Variants in MYT1L observed in about 807,000 individuals in gnomAD.
MYT1L encodes the protein myelin transcription factor 1 like, also known as myelin transcription factor 1-like protein.
A neutral mutation model predicts 126.7 loss-of-function variants in MYT1L; 12 were observed. The observed-to-expected ratio is 0.09, with a 90% CI of 0.06 to 0.15. MYT1L has a LOEUF of 0.15. Among genes scored for constraint, MYT1L ranks in the 10% least tolerant of loss-of-function variants. MYT1L has a pLI of 1.00. For synonymous variants in MYT1L, 541 were observed against 604.2 expected (o/e 0.90, Z 1.53); for missense variants, 979 against 1,585.2 (o/e 0.62, Z 6.49).
intron 2 of MYT1L, among the ~76,000 whole-genome samples, chr2:2,236,221 G>GCACATCCCAACCCAA (rs2094298838): frequency 2.3e-4 from 7 of 30,716 alleles, no homozygotes; most frequent in African/African-American, 4.0e-4. Flanking sequence ...TCCCAACCCA[G>GCACATCCCAACCCAA]CCCAGCACAT....
At chr2:2,211,357 C>G (rs1343001033) in intron 2 of MYT1L, among the ~76,000 whole-genome samples, 2 of 152,132 alleles carry the variant, frequency 1.3e-5, no homozygotes, top group Non-Finnish European at 2.9e-5. Context: ...TTCTTTCTTA[C>G]TAATTGTTTT....
chr2:2,010,151 C>G (rs1033451781), intron 4 of MYT1L, among the ~76,000 whole-genome samples: 3 of 152,172 alleles, frequency 2.0e-5, no homozygotes, highest in African/African-American at 7.2e-5. Context: ...CAGTGCCCAT[C>G]TGGCAGAACT....
intron 1 of MYT1L, among the ~76,000 whole-genome samples, chr2:2,321,346 C>T (rs927304997): frequency 2.0e-5 from 3 of 152,162 alleles, no homozygotes; most frequent in African/African-American, 7.2e-5. Context: ...TGATGGCTCT[C>T]TATGGGGTGC....
intron 3 of MYT1L, among the ~76,000 whole-genome samples, chr2:2,122,368 G>A (rs2081143355): frequency 6.6e-6 from 1 of 152,150 alleles, no homozygotes; most frequent in Non-Finnish European, 1.5e-5. Context: ...ATGGATACGA[G>A]GTGCTCAGAG....
intron 2 of MYT1L, among the ~76,000 whole-genome samples, chr2:2,222,618 G>T (rs1009149999): frequency 2.6e-5 from 4 of 151,950 alleles, no homozygotes; most frequent in Admixed American, 2.6e-4. Flanking sequence ...ATGTTGCCTG[G>T]TTCCTTTTTT....
At chr2:2,069,445 C>A (rs1048493136) in intron 3 of MYT1L, among the ~76,000 whole-genome samples, 2 of 152,112 alleles carry the variant, frequency 1.3e-5, no homozygotes, top group African/African-American at 2.4e-5. Context: ...TGTATATGTG[C>A]CACATTTGCT....
chr2:2,003,820 G>A (rs77840533), intron 4 of MYT1L, among the ~76,000 whole-genome samples: 136 of 152,304 alleles, frequency 8.9e-4, no homozygotes, highest in African/African-American at 3.2e-3. Flanking sequence ...TGTTCTCATG[G>A]CCCCAGGCCC....
chr2:2,327,099 C>T (rs996634239), intron 1 of MYT1L: 4 of 152,098 alleles, frequency 2.6e-5, no homozygotes, highest in African/African-American at 9.7e-5. Context: ...CAATAAAATA[C>T]TATAAAAGTA....
rs997701205 is a variant in MYT1L at position 1,917,024 on chromosome 2, G to A, written c.1618+181C>T. ...GGGCTTCATGGTGCACCACTCTCCTGGGGCTGTGCCATTGGCATGCCCACG... is the reference window on the plus strand; with the variant it reads ...GGGCTTCATGGTGCACCACTCTCCTAGGGCTGTGCCATTGGCATGCCCACG... On this transcript the variant is annotated intron_variant, in intron 11 of 24. Transcript: ENST00000647738. This position sits in a 1 kb window ranked among gnomAD's most constrained non-coding sequence, Gnocchi z 5.9. Among the ~76,000 whole-genome samples, 1 of 152,158 alleles carries A rather than the reference G, an allele frequency of 6.6e-6. No individual in the cohort carries two copies. The highest frequency in any genetic ancestry group is 1.5e-5 in the Non-Finnish European group (1 of 68,020).
chr2:1,985,626 C>T (rs11684577), intron 5 of MYT1L, among the ~76,000 whole-genome samples: 23,187 of 152,170 alleles, frequency 0.15, 1,905 homozygotes, highest in East Asian at 0.39. Context: ...TATCATGAAA[C>T]CCTAAAAATA....
At chr2:1,955,802 T>G (rs1268525232) in intron 8 of MYT1L, among the ~76,000 whole-genome samples, 2 of 152,214 alleles carry the variant, frequency 1.3e-5, no homozygotes, top group African/African-American at 4.8e-5. Flanking sequence ...TGATAATATC[T>G]TGGCTGGACA....
rs2053062702 is a variant in MYT1L, at chr2:1,917,791, T to C, written c.1484-452A>G. The stretch of plus-strand genomic sequence containing the variant: ...TTAGCTGAATTTCTTTCTTATTGAG[T>C]GCTCTGATCGCATACACTAGAAGCT... On this transcript the variant is annotated intron_variant, in intron 10 of 24. Coordinates refer to ENST00000647738, the MANE Select transcript of MYT1L (RefSeq NM_001303052.2). This position sits in a 1 kb window ranked among gnomAD's most constrained non-coding sequence, Gnocchi z 5.9. Among the ~76,000 whole-genome samples, 1 of 152,242 alleles carries C rather than the reference T, an allele frequency of 6.6e-6. No homozygotes were observed. Among genetic ancestry groups the C allele is most frequent in the Non-Finnish European group, 1.5e-5 (1 of 68,040 alleles).
At chr2:1,809,200 A>G in intron 21 of MYT1L, 33 bp from the exon 22 acceptor site, 1 of 1,587,418 alleles carries the variant, frequency 6.3e-7, no homozygotes. Context: ...CCATTAGTCA[A>G]CTGTCTAATG....
intron 3 of MYT1L, among the ~76,000 whole-genome samples, chr2:2,069,405 TC>T: frequency 6.6e-6 from 1 of 152,192 alleles, no homozygotes; most frequent in East Asian, 1.9e-4. Flanking sequence ...CATGAACTCA[TC>T]CTTTTTTATG....
intron 18 of MYT1L, among the ~76,000 whole-genome samples, chr2:1,874,019 CA>C (rs561024529): frequency 5.3e-5 from 8 of 152,168 alleles, no homozygotes; most frequent in African/African-American, 1.9e-4. Flanking sequence ...AAGAAAGTGA[CA>C]GGAAATCTAC....
chr2:2,236,792 TCTTCTTCTTCTTCTTCTTCTTC>T (rs1559420804), intron 2 of MYT1L, among the ~76,000 whole-genome samples: 56 of 17,940 alleles, frequency 3.1e-3, no homozygotes, highest in South Asian at 0.011. Flanking sequence ...TTCTTCTTCT[TCTTCTTCTTCTTCTTCTTCTTC>T]TTTTTTTTTT....
Position 1,922,496 on chromosome 2 carries a change from C to A in MYT1L, c.1273G>T (p.Asp425Tyr). ...AGGGTCAGGTTCCCCTTGGTCATGT[C>A]GAACACCTCTTCAGACCTGTCCGAG... is the stretch of plus-strand genomic sequence containing the variant. The part of the protein sequence containing the change: ...VNSDRSEEVF[D>Y]MTKGNLTLLE... Residue 425 changes from aspartate to tyrosine, a missense_variant, in exon 10 of 25, where the codon GAC (aspartate) becomes TAC (tyrosine). Transcript: ENST00000647738. This position sits in a 1 kb window ranked among gnomAD's most constrained non-coding sequence, Gnocchi z 7.4. 1 of 1,613,936 alleles carries A rather than the reference C, an allele frequency of 6.2e-7. No homozygotes were observed. The highest frequency in any genetic ancestry group is 8.5e-7 in the Non-Finnish European group (1 of 1,179,892).
At chr2:2,252,850 T>C (rs2094691969) in intron 2 of MYT1L, among the ~76,000 whole-genome samples, 2 of 152,196 alleles carry the variant, frequency 1.3e-5, no homozygotes, top group Admixed American at 6.5e-5. Context: ...TATGTGAATT[T>C]TTCTAGAACA....
At chr2:1,891,335 G>A (rs1213823675) in intron 15 of MYT1L, among the ~76,000 whole-genome samples, 2 of 152,132 alleles carry the variant, frequency 1.3e-5, no homozygotes, top group East Asian at 3.9e-4. Flanking sequence ...CAATCTGACC[G>A]CTCCCTGGCA....
Sources: gnomAD v4.1 joint callset for allele counts (sites outside exome capture counted in the v4.1 genomes callset) on GRCh38, gnomAD v4.1.1 for gene constraint, Gnocchi (gnomAD v3.1) non-coding constraint, MANE v1.5 for transcripts, NCBI Gene and HGNC (gene_info 2026-07-23, HGNC 2026-07-21) for gene names.